NPHP4: variants seen among roughly 807,000 people sequenced by gnomAD.
The protein encoded by NPHP4 is nephrocystin 4.
In NPHP4, 151 loss-of-function variants were observed where a neutral mutation model predicts 155.8. That is an observed-to-expected ratio of 0.97 (90% confidence interval 0.85 to 1.11). The LOEUF (loss-of-function observed/expected upper bound fraction) is 1.11, where lower values mean the gene tolerates loss of function less well. Among genes scored for constraint, NPHP4 ranks in the 50% least tolerant of loss-of-function variants. NPHP4 has a pLI of 0.00. For missense variants in NPHP4, 1,956 were observed against 1,925.7 expected, an observed-to-expected ratio of 1.02 and a Z score of -0.29; for synonymous variants, 845 against 816.8, an observed-to-expected ratio of 1.03 and a Z score of -0.59.
At chr1:5,932,086 T>C (rs1180001963) in intron 10 of NPHP4, among the ~76,000 whole-genome samples, 1 of 150,010 alleles carries the variant, frequency 6.7e-6, no homozygotes, top group African/African-American at 2.5e-5. Context: ...AAAAAAAAAA[T>C]GCTAAGGATC....
At chr1:5,938,850 G>A (rs994323854) in intron 9 of NPHP4, among the ~76,000 whole-genome samples, 6 of 152,252 alleles carry the variant, frequency 3.9e-5, no homozygotes, top group Admixed American at 1.3e-4. Context: ...TGGAAAAATC[G>A]GATTCATCAA....
chr1:5,864,975 T>C, intron 27 of NPHP4, 127 bp downstream of exon 27: 1 of 900,888 alleles, frequency 1.1e-6, no homozygotes, highest in South Asian at 1.5e-5. Flanking sequence ...GGTAACAGCG[T>C]CTGCGCGCTG....
Position 5,889,567 on chromosome 1 carries a change from C to T in NPHP4, c.2304+1301G>A, listed in dbSNP as rs1027269811. 6.6e-6 allele frequency among the ~76,000 whole-genome samples: 1 copy of T among 152,194 alleles called. No individual in the cohort carries two copies. The highest frequency in any genetic ancestry group is 2.4e-5 in the African/African-American group (1 of 41,438). ...CTGGGCACGACAGGGGAGCCACTGC[C>T]ACCCCACACATGCCCAGCGGGACCC... On this transcript the variant is annotated intron_variant, in intron 17 of 29. Coordinates refer to ENST00000378156, the MANE Select transcript of NPHP4 (RefSeq NM_015102.5). The surrounding 1 kb of genome is among the most constrained non-coding windows in gnomAD (Gnocchi z 4.2).
Position 5,862,877 on chromosome 1 carries a change from T to G in NPHP4, c.*388A>C. 9.0e-6 allele frequency: 2 copies of G among 222,332 alleles called. No homozygotes were observed. The highest frequency in any genetic ancestry group is 1.8e-5 in the Non-Finnish European group (2 of 108,808). The allele number at this position is 222,332 out of a possible 1,614,324, so 13.8% of individuals were successfully genotyped here. ...CAGATATAATACCAGCATAAAATAT[T>G]GCATAGCAAATAATAGATTATGTTT... On this transcript the variant is annotated 3_prime_UTR_variant, in exon 30 of 30. Transcript: ENST00000378156.
intron 10 of NPHP4, among the ~76,000 whole-genome samples, chr1:5,931,568 T>C (rs1646274880): frequency 6.6e-6 from 1 of 151,722 alleles, no homozygotes; most frequent in Non-Finnish European, 1.5e-5. Context: ...ACCCCATCTC[T>C]ACTAAAAATA....
At chr1:5,927,576 T>C (rs985217413) in intron 11 of NPHP4, 73 bp downstream of exon 11, 5 of 1,478,624 alleles carry the variant, frequency 3.4e-6, no homozygotes, top group Non-Finnish European at 4.6e-6. Context: ...CTAGACTAAG[T>C]ACCTTTCCCC....
intron 2 of NPHP4, among the ~76,000 whole-genome samples, chr1:5,985,802 T>C (rs1655390900): frequency 6.6e-6 from 1 of 152,230 alleles, no homozygotes; most frequent in South Asian, 2.1e-4. Flanking sequence ...TGGGACTCTA[T>C]CCTGTTTAAG....
intron 9 of NPHP4, among the ~76,000 whole-genome samples, chr1:5,934,003 A>C (rs1362510114): frequency 3.3e-5 from 5 of 152,222 alleles, no homozygotes; most frequent in African/African-American, 7.2e-5. Flanking sequence ...CATTAAAGTC[A>C]TTGTCACAAA....
intron 5 of NPHP4, 71 bp downstream of exon 5, chr1:5,967,228 G>A: frequency 8.6e-7 from 1 of 1,164,032 alleles, no homozygotes; most frequent in Non-Finnish European, 1.3e-6. Flanking sequence ...CCCATTCAGA[G>A]CTAAAGGTGG....
At chr1:5,878,448 T>C (rs1642851642) in intron 19 of NPHP4, among the ~76,000 whole-genome samples, 1 of 152,234 alleles carries the variant, frequency 6.6e-6, no homozygotes, top group African/African-American at 2.4e-5. Flanking sequence ...GGGTTTATCA[T>C]GAGCTCAAGT....
chr1:5,904,868 G>T, intron 15 of NPHP4, 64 bp from the exon 16 acceptor site: 2 of 1,515,336 alleles, frequency 1.3e-6, no homozygotes, highest in South Asian at 2.3e-5. Context: ...GGGGTCTAAT[G>T]TGTGTTTGCA....
intron 23 of NPHP4, among the ~76,000 whole-genome samples, chr1:5,870,319 T>C (rs1334053306): frequency 6.6e-6 from 1 of 152,112 alleles, no homozygotes; most frequent in Non-Finnish European, 1.5e-5. Context: ...ACAAAATAAA[T>C]AATGATAGTA....
chr1:5,911,707 C>T (rs1645187435), intron 11 of NPHP4, among the ~76,000 whole-genome samples: 1 of 152,096 alleles, frequency 6.6e-6, no homozygotes, highest in African/African-American at 2.4e-5. Flanking sequence ...AAGCCCAGAC[C>T]CCCAGGGCCC....
At chr1:5,962,414 C>T (rs2102149045) in intron 5 of NPHP4, among the ~76,000 whole-genome samples, 1 of 152,260 alleles carries the variant, frequency 6.6e-6, no homozygotes, top group African/African-American at 2.4e-5. Flanking sequence ...CCTGAGAGCA[C>T]AGACAGGCAC....
chr1:5,874,383 G>T, intron 22 of NPHP4, 88 bp downstream of exon 22: 1 of 1,267,558 alleles, frequency 7.9e-7, no homozygotes, highest in Non-Finnish European at 1.1e-6. Context: ...CACAGGTAAG[G>T]GAGGGACACT....
intron 1 of NPHP4, among the ~76,000 whole-genome samples, chr1:5,990,967 A>G (rs1466026428): frequency 6.6e-6 from 1 of 152,200 alleles, no homozygotes; most frequent in Non-Finnish European, 1.5e-5. Flanking sequence ...GCTGTCTTCA[A>G]GCATCTAGAA....
chr1:5,909,340 G>T, intron 11 of NPHP4, 127 bp from the exon 12 acceptor site: 1 of 757,352 alleles, frequency 1.3e-6, no homozygotes. Context: ...AGGGGCAGCC[G>T]CTGGTTACCG....
At chr1:5,927,919 T>C in intron 10 of NPHP4, 132 bp from the exon 11 acceptor site, 2 of 918,078 alleles carry the variant, frequency 2.2e-6, no homozygotes, top group East Asian at 2.5e-5. Flanking sequence ...TGATGCCACA[T>C]GTTCTCAGAT....
At chr1:5,891,305 G>C (rs561761955) in intron 16 of NPHP4, among the ~76,000 whole-genome samples, 2 of 152,336 alleles carry the variant, frequency 1.3e-5, no homozygotes, top group African/African-American at 4.8e-5. Flanking sequence ...TAAGATGGAT[G>C]GGAACAAATG....
Sources: gnomAD v4.1 joint callset for allele counts (sites outside exome capture counted in the v4.1 genomes callset) on GRCh38, gnomAD v4.1.1 for gene constraint, Gnocchi (gnomAD v3.1) non-coding constraint, MANE v1.5 for transcripts, NCBI Gene and HGNC (gene_info 2026-07-23, HGNC 2026-07-21) for gene names.